BFSP1: variants seen among roughly 807,000 people sequenced by gnomAD.
BFSP1 encodes the protein beaded filament structural protein 1.
In BFSP1, 38 loss-of-function variants were observed where a neutral mutation model predicts 43.9. That is an observed-to-expected ratio of 0.87 (90% CI 0.67 to 1.14). The LOEUF (loss-of-function observed/expected upper bound fraction) is 1.14, where lower values mean the gene tolerates loss of function less well. BFSP1 is among the 50% of genes most tolerant of loss of function. The pLI, the probability that BFSP1 is intolerant of heterozygous loss-of-function variation, is 0.00. For missense variants in BFSP1, 850 were observed against 875.1 expected, an observed-to-expected ratio of 0.97 and a Z score of 0.36; for synonymous variants, 352 against 354.8, an observed-to-expected ratio of 0.99 and a Z score of 0.09.
chr20:17,504,215 TG>T lies in BFSP1; in HGVS notation c.735+4673del, dbSNP rs2033876324. 2.0e-5 allele frequency among the ~76,000 whole-genome samples: 3 copies of T among 152,326 alleles called. No homozygotes were observed. The South Asian group carries it at 6.2e-4, about 32-fold the overall frequency. On this transcript the variant is annotated intron_variant, in intron 5 of 7. Coordinates refer to ENST00000377873, the MANE Select transcript of BFSP1 (RefSeq NM_001195.5). ...GGCCCAGAGCCCTCCAACTCCGTAC[TG>T]GTCGCAGATGCTCTACGGGATTCTG...
chr20:17,499,976 A>C (rs1424465130), intron 5 of BFSP1, among the ~76,000 whole-genome samples: 1 of 152,246 alleles, frequency 6.6e-6, no homozygotes, highest in African/African-American at 2.4e-5. Flanking sequence ...ATTCAAATAA[A>C]GTACATTCTT....
Position 17,493,905 on chromosome 20 carries a change from T to G in BFSP1, c.*169A>C. ...GTCCCTATTAATTAGACAAAGGATG[T>G]GCAAGCAAAGAAAACATTTTAATGA... On this transcript the variant is annotated 3_prime_UTR_variant, in exon 8 of 8. Transcript: ENST00000377873. The G allele has an allele frequency of 1.5e-6, 1 of 649,126 alleles. No individual in the cohort carries two copies. Among genetic ancestry groups the G allele is most frequent in the South Asian group, 2.2e-5 (1 of 45,476 alleles). 40.2% of individuals were successfully genotyped at this position (649,126 alleles called of 1,614,324 possible). A position where few individuals can be genotyped will look rare whatever the true frequency, so the allele number is the denominator to read the frequency against.
chr20:17,544,604 T>A (rs1206900255), intron 1 of BFSP1, among the ~76,000 whole-genome samples: 1 of 152,184 alleles, frequency 6.6e-6, no homozygotes, highest in Non-Finnish European at 1.5e-5. Flanking sequence ...ATAAATTACC[T>A]AACTTAAAAA....
Position 17,531,237 on chromosome 20 carries a change from G to T in BFSP1, c.93C>A (p.Ala31=), listed in dbSNP as rs757920706. 186 of 1,401,532 alleles carry T rather than the reference G, an allele frequency of 1.3e-4. No homozygotes were observed. The highest frequency in any genetic ancestry group is 1.6e-4 in the Non-Finnish European group (177 of 1,077,802). The allele number at this position is 1,401,532 out of a possible 1,614,324, so 86.8% of individuals were successfully genotyped here. Residue 31 remains alanine, a synonymous_variant, in exon 1 of 8, where the codon GCC becomes GCA. Transcript: ENST00000377873. ...ASRAAEPERP[A]DEGWAGATSL... is the part of the protein sequence containing the mutation. ...TCGTTGCCCCAGCCCAGCCCTCGTC[G>T]GCCGGGCGCTCGGGCTCGGCGGCGC... is the stretch of plus-strand genomic sequence containing the variant.
intron 4 of BFSP1, 38 bp from the exon 5 acceptor site, chr20:17,509,034 G>A (rs1227316845): frequency 2.7e-6 from 4 of 1,458,786 alleles, no homozygotes; most frequent in Middle Eastern, 1.8e-4. Flanking sequence ...CATGGGACAT[G>A]CAGAGAGGAA....
intron 3 of BFSP1, among the ~76,000 whole-genome samples, chr20:17,514,435 A>C (rs2034154984): frequency 6.6e-6 from 1 of 152,220 alleles, no homozygotes; most frequent in Admixed American, 6.5e-5. Flanking sequence ...CTGTAGCTTA[A>C]TGAAGACAGA....
intron 1 of BFSP1, among the ~76,000 whole-genome samples, chr20:17,549,746 G>A (rs1402197579): frequency 6.6e-6 from 1 of 152,160 alleles, no homozygotes; most frequent in Non-Finnish European, 1.5e-5. Context: ...TGAGGCACAA[G>A]AATCACTTAA....
intron 4 of BFSP1, among the ~76,000 whole-genome samples, 151 bp downstream of exon 4, chr20:17,511,822 CAGA>C: frequency 6.6e-6 from 1 of 152,196 alleles, no homozygotes; most frequent in East Asian, 1.9e-4. Context: ...AGTAAAATAT[CAGA>C]AGAAGAAACT....
chr20:17,512,735 A>G (rs1228728423), intron 3 of BFSP1, among the ~76,000 whole-genome samples: 1 of 152,140 alleles, frequency 6.6e-6, no homozygotes, highest in Non-Finnish European at 1.5e-5. Context: ...TAAATAAGTT[A>G]AAAGGCCCTG....
chr20:17,500,875 G>A (rs964184579), intron 5 of BFSP1, among the ~76,000 whole-genome samples: 1 of 152,182 alleles, frequency 6.6e-6, no homozygotes, highest in African/African-American at 2.4e-5. Context: ...GAAAGAATTT[G>A]ACACGCATGG....
At chr20:17,498,166 T>C (rs1252568795) in intron 6 of BFSP1, among the ~76,000 whole-genome samples, 1 of 152,234 alleles carries the variant, frequency 6.6e-6, no homozygotes, top group Admixed American at 6.5e-5. Context: ...CCCAGGAATT[T>C]AGCAAGACTG....
intron 1 of BFSP1, among the ~76,000 whole-genome samples, chr20:17,529,071 G>GTT (rs1242053466): frequency 3.3e-5 from 5 of 150,338 alleles, no homozygotes. Flanking sequence ...ATAAGTGTGT[G>GTT]TGTGTGTGTG....
At chr20:17,537,978 G>A (rs369221754) in intron 1 of BFSP1, among the ~76,000 whole-genome samples, 6 of 151,664 alleles carry the variant, frequency 4.0e-5, no homozygotes, top group African/African-American at 1.2e-4. Context: ...AAAATTGGCC[G>A]GGCATGGTGG....
upstream of BFSP1, among the ~76,000 whole-genome samples, chr20:17,559,752 TCTAA>T (rs915210801): frequency 3.3e-5 from 5 of 152,062 alleles, no homozygotes; most frequent in Non-Finnish European, 2.9e-5. Context: ...CTTGTGAGAA[TCTAA>T]CTAATGCCAG....
chr20:17,531,213 C>G lies in BFSP1; in HGVS notation c.117G>C (p.Thr39=). Residue 39 remains threonine (T), a synonymous_variant, in exon 1 of 8, where the codon ACG becomes ACC. Transcript: ENST00000377873. ...RPADEGWAGA[T]SLAALQGLGE... ...CGAGCCCCTGCAGCGCCGCCAGGCTCGTTGCCCCAGCCCAGCCCTCGTCGG... is the reference window on the plus strand; with the variant it reads ...CGAGCCCCTGCAGCGCCGCCAGGCTGGTTGCCCCAGCCCAGCCCTCGTCGG... The G allele has an allele frequency of 1.5e-6, 2 of 1,329,644 alleles. No homozygotes were observed. The highest frequency in any genetic ancestry group is 3.1e-5 in the African/African-American group (2 of 65,096). 82.4% of individuals were successfully genotyped at this position (1,329,644 alleles called of 1,614,324 possible).
chr20:17,559,338 A>G (rs2035045409), upstream of BFSP1, among the ~76,000 whole-genome samples: 1 of 152,250 alleles, frequency 6.6e-6, no homozygotes, highest in East Asian at 1.9e-4. Context: ...AGACTGCGTT[A>G]GTATTACTAG....
chr20:17,496,033 C>T (rs2033623220), intron 7 of BFSP1, among the ~76,000 whole-genome samples: 1 of 152,178 alleles, frequency 6.6e-6, no homozygotes, highest in Non-Finnish European at 1.5e-5. Flanking sequence ...TACAGGACTG[C>T]ACAGAATCTC....
rs761735345 is a variant in BFSP1, at chr20:17,494,103, T to C, written c.1969A>G (p.Lys657Glu). Residue 657 changes from lysine (K) to glutamate (E), a missense_variant, in exon 8 of 8, where the codon AAG becomes GAG. By Grantham distance (56) the Lys-to-Glu change is moderately conservative. Coordinates refer to ENST00000377873, the MANE Select transcript of BFSP1 (RefSeq NM_001195.5). ...GAGCTCTTCTCTCCTGATTTCTTCT[T>C]GTCTGACTTTGTCTTTCCAATCATG... ...ETMIGKTKSD[K>E]KKSGEKSS The C allele has an allele frequency of 2.5e-6, 4 of 1,613,690 alleles. No homozygotes were observed. The African/African-American group carries it at 4.0e-5, about 16-fold the overall frequency.
intron 5 of BFSP1, among the ~76,000 whole-genome samples, chr20:17,501,293 G>C (rs2033793441): frequency 6.6e-6 from 1 of 152,190 alleles, no homozygotes; most frequent in South Asian, 2.1e-4. Context: ...GGCCGGGTGT[G>C]GTGGCTCACA....
Sources: allele counts gnomAD v4.1 joint callset (sites outside exome capture counted in the v4.1 genomes callset), GRCh38; gene constraint gnomAD v4.1.1; transcripts MANE v1.5; gene names NCBI Gene and HGNC (gene_info 2026-07-23, HGNC 2026-07-21).